NRG3: variants seen among roughly 807,000 people sequenced by gnomAD.
NRG3 encodes neuregulin 3, also known as pro-neuregulin-3, membrane-bound isoform.
Under a neutral mutation model 66.9 loss-of-function variants are expected in NRG3, and 31 were observed. The observed-to-expected ratio is 0.46, with a 90% CI of 0.35 to 0.63. The LOEUF is 0.63. Ranked by LOEUF, NRG3 falls within the 20% of genes least tolerant of loss-of-function variation. NRG3 has a pLI of 0.00. For synonymous variants in NRG3, 393 were observed against 359.4 expected, an observed-to-expected ratio of 1.09 and a Z score of -1.06; for missense variants, 910 against 878.9, an observed-to-expected ratio of 1.04 and a Z score of -0.45.
intron 2 of NRG3, among the ~76,000 whole-genome samples, chr10:82,585,312 G>A (rs1180507422): frequency 6.6e-6 from 1 of 152,132 alleles, no homozygotes; most frequent in African/African-American, 2.4e-5. Flanking sequence ...TGAATAAACT[G>A]AGGTCATACA....
At chr10:82,237,037 C>T (rs1344050111) in intron 1 of NRG3, among the ~76,000 whole-genome samples, 1 of 152,128 alleles carries the variant, frequency 6.6e-6, no homozygotes, top group Non-Finnish European at 1.5e-5. Flanking sequence ...AACTCTTAAA[C>T]ACATATATCA....
intron 6 of NRG3, among the ~76,000 whole-genome samples, chr10:82,963,577 G>A (rs914788175): frequency 2.0e-5 from 3 of 152,214 alleles, no homozygotes; most frequent in African/African-American, 7.2e-5. Context: ...CTACTTGGGA[G>A]GCTGAGGCGG....
At chr10:82,602,101 T>C (rs1172957827) in intron 2 of NRG3, among the ~76,000 whole-genome samples, 1 of 151,362 alleles carries the variant, frequency 6.6e-6, no homozygotes, top group African/African-American at 2.4e-5. Context: ...AAATAAACAA[T>C]AAAAAATAAA....
chr10:82,358,657 C>A, intron 1 of NRG3, 82 bp from the exon 2 acceptor site: 1 of 1,589,880 alleles, frequency 6.3e-7, no homozygotes, highest in African/African-American at 1.3e-5. Flanking sequence ...GGCCTCCATA[C>A]AGAGATCCAG....
intron 4 of NRG3, among the ~76,000 whole-genome samples, chr10:82,942,230 A>G (rs927054303): frequency 6.6e-6 from 1 of 152,202 alleles, no homozygotes; most frequent in Admixed American, 6.5e-5. Context: ...ATCATGCTGT[A>G]TCATGGTCTC....
intron 3 of NRG3, among the ~76,000 whole-genome samples, chr10:82,857,426 G>A (rs573088590): frequency 6.8e-6 from 1 of 147,466 alleles, no homozygotes; most frequent in African/African-American, 2.7e-5. Flanking sequence ...ATGACTGATG[G>A]CCTGTCTGGT....
intron 1 of NRG3, among the ~76,000 whole-genome samples, chr10:82,267,422 G>C (rs889139430): frequency 1.3e-5 from 2 of 152,150 alleles, no homozygotes; most frequent in African/African-American, 4.8e-5. Context: ...TCCAGTGGCA[G>C]GTCTCAAGAA....
chr10:82,890,127 G>GTTTT (rs35591529), intron 4 of NRG3, among the ~76,000 whole-genome samples: 29 of 138,158 alleles, frequency 2.1e-4, no homozygotes, highest in Middle Eastern at 3.8e-3. Flanking sequence ...GATCTGCTAA[G>GTTTT]TTTTTTTTTT....
At chr10:82,070,263 A>G (rs1564788925) in intron 1 of NRG3, among the ~76,000 whole-genome samples, 3 of 152,230 alleles carry the variant, frequency 2.0e-5, no homozygotes, top group Non-Finnish European at 4.4e-5. Context: ...GGGGCCTTTC[A>G]TGAGTACCAG....
intron 2 of NRG3, among the ~76,000 whole-genome samples, chr10:82,672,835 C>A (rs1242933611): frequency 6.6e-6 from 1 of 152,106 alleles, no homozygotes; most frequent in Non-Finnish European, 1.5e-5. Context: ...CTGCAACTTT[C>A]GCCTCCCAGG....
chr10:82,304,211 C>T (rs896941675), intron 1 of NRG3, among the ~76,000 whole-genome samples: 8 of 152,098 alleles, frequency 5.3e-5, no homozygotes, highest in South Asian at 2.1e-4. Context: ...AAAATTGTAT[C>T]GCTGTGCAAT....
At chr10:81,981,137 T>C (rs2060318390) in intron 1 of NRG3, among the ~76,000 whole-genome samples, 1 of 152,182 alleles carries the variant, frequency 6.6e-6, no homozygotes, top group East Asian at 1.9e-4. Flanking sequence ...TTTACCGATT[T>C]CAGCATCAAT....
chr10:82,897,811 C>A (rs945562602), intron 4 of NRG3, among the ~76,000 whole-genome samples: 1 of 152,148 alleles, frequency 6.6e-6, no homozygotes, highest in African/African-American at 2.4e-5. Flanking sequence ...TAAGCCACTG[C>A]GCCCTGCTAG....
At chr10:82,452,199 G>A (rs1287333989) in intron 2 of NRG3, among the ~76,000 whole-genome samples, 2 of 152,182 alleles carry the variant, frequency 1.3e-5, no homozygotes. Flanking sequence ...ATAATGATGT[G>A]TTTCATTGTT....
chr10:82,903,142 A>C (rs1844395482), intron 4 of NRG3, among the ~76,000 whole-genome samples: 1 of 152,308 alleles, frequency 6.6e-6, no homozygotes, highest in East Asian at 1.9e-4. Flanking sequence ...ACACATAAAC[A>C]AATGTAAAGA....
At chr10:82,621,695 C>G (rs1797831371) in intron 2 of NRG3, among the ~76,000 whole-genome samples, 1 of 152,066 alleles carries the variant, frequency 6.6e-6, no homozygotes, top group South Asian at 2.1e-4. Flanking sequence ...CTGAAGCTAC[C>G]CTTACTAACC....
At chr10:82,411,886 TAGAA>T (rs1182728135) in intron 2 of NRG3, among the ~76,000 whole-genome samples, 1 of 151,944 alleles carries the variant, frequency 6.6e-6, no homozygotes, top group Non-Finnish European at 1.5e-5. Context: ...AGAGCAGTAA[TAGAA>T]AGAAAGTTAA....
At chr10:82,512,881 G>A (rs1022141451) in intron 2 of NRG3, among the ~76,000 whole-genome samples, 9 of 151,972 alleles carry the variant, frequency 5.9e-5, no homozygotes, top group African/African-American at 1.7e-4. Context: ...CATTCACAAA[G>A]ATACCAATAA....
chr10:82,392,383 A>C (rs916112212), intron 2 of NRG3, among the ~76,000 whole-genome samples: 15 of 152,222 alleles, frequency 9.9e-5, no homozygotes, highest in African/African-American at 3.6e-4. Flanking sequence ...GGAAATATAT[A>C]GACAGTTGCT....
Sources: allele counts gnomAD v4.1 joint callset (sites outside exome capture counted in the v4.1 genomes callset), GRCh38; gene constraint gnomAD v4.1.1; transcripts MANE v1.5; gene names NCBI Gene and HGNC (gene_info 2026-07-23, HGNC 2026-07-21).